ZMYM2: variants seen among roughly 807,000 people sequenced by gnomAD.
ZMYM2 encodes zinc finger MYM-type protein 2.
Under a neutral mutation model 162.8 loss-of-function variants are expected in ZMYM2, and 56 were observed. The observed-to-expected ratio is 0.34, with a 90% CI of 0.28 to 0.43. The LOEUF (loss-of-function observed/expected upper bound fraction) is 0.43. ZMYM2 is among the 20% of genes least tolerant of loss of function. ZMYM2 has a pLI of 1.00. For synonymous variants in ZMYM2, 510 were observed against 541.6 expected, an observed-to-expected ratio of 0.94 and a Z score of 0.81; for missense variants, 1,275 against 1,621.8, an observed-to-expected ratio of 0.79 and a Z score of 3.67.
intron 3 of ZMYM2, among the ~76,000 whole-genome samples, chr13:20,001,616 G>A (rs576180985): frequency 6.6e-6 from 1 of 152,284 alleles, no homozygotes; most frequent in Middle Eastern, 3.4e-3. Flanking sequence ...TGCAGGGTTT[G>A]AGAAGATTGA....
the ZMYM2 span, among the ~76,000 whole-genome samples, chr13:19,885,938 TATATATGTATATAC>T: frequency 2.5e-5 from 2 of 79,238 alleles, 1 homozygote; most frequent in African/African-American, 1.1e-4. Flanking sequence ...TGTATACACA[TATATATGTATATAC>T]ACATATATAT....
the ZMYM2 span, among the ~76,000 whole-genome samples, chr13:19,902,782 G>A: frequency 2.0e-5 from 3 of 152,196 alleles, no homozygotes; most frequent in Non-Finnish European, 2.9e-5. Flanking sequence ...GGAGGCTGAG[G>A]TGTGAGGATC....
chr13:19,875,067 T>A, the ZMYM2 span, among the ~76,000 whole-genome samples: 2 of 152,148 alleles, frequency 1.3e-5, no homozygotes, highest in Non-Finnish European at 2.9e-5. Context: ...CATTACTGGG[T>A]ATATACCCAA....
At chr13:20,025,642 TTTG>T (rs146631931) in intron 7 of ZMYM2, 9,690 of 153,142 alleles carry the variant, frequency 0.063, 354 homozygotes, top group African/African-American at 0.097. Flanking sequence ...TTTATCTCCT[TTTG>T]TTGTTGTTGT....
At chr13:20,078,104 C>G (rs964332330) in intron 21 of ZMYM2, among the ~76,000 whole-genome samples, 3 of 151,964 alleles carry the variant, frequency 2.0e-5, no homozygotes, top group Non-Finnish European at 4.4e-5. Context: ...GACGTGAGCC[C>G]CACTGCACCT....
upstream of ZMYM2, chr13:19,958,713 G>GCCTCCTCCGCCT (rs895070825): frequency 1.3e-5 from 2 of 153,418 alleles, no homozygotes; most frequent in African/African-American, 4.9e-5. Context: ...CCGCGCCGCC[G>GCCTCCTCCGCCT]CCTCCTCCGC....
intron 21 of ZMYM2, among the ~76,000 whole-genome samples, chr13:20,074,985 T>C (rs1187817411): frequency 1.3e-5 from 2 of 152,246 alleles, no homozygotes; most frequent in Non-Finnish European, 2.9e-5. Context: ...TTGTGGAATA[T>C]CTATTTTTAT....
chr13:19,947,740 G>A, the ZMYM2 span, among the ~76,000 whole-genome samples: 1 of 151,496 alleles, frequency 6.6e-6, no homozygotes, highest in African/African-American at 2.4e-5. Flanking sequence ...GTGATCCATC[G>A]GCCTCGGCTT....
intron 21 of ZMYM2, among the ~76,000 whole-genome samples, chr13:20,077,562 T>C (rs2140998930): frequency 7.0e-6 from 1 of 141,868 alleles, no homozygotes; most frequent in South Asian, 2.1e-4. Context: ...AGTATAGGAA[T>C]TTAGATGACA....
At chr13:19,918,979 A>G in the ZMYM2 span, among the ~76,000 whole-genome samples, 13 of 152,202 alleles carry the variant, frequency 8.5e-5, no homozygotes, top group Middle Eastern at 0.01. Context: ...ATCACCTCAA[A>G]GATGTCCCAT....
chr13:19,873,574 A>C, the ZMYM2 span, among the ~76,000 whole-genome samples: 3 of 151,642 alleles, frequency 2.0e-5, no homozygotes, highest in East Asian at 5.8e-4. Context: ...ACGCCCAGCT[A>C]ATTTTTGTAT....
intron 7 of ZMYM2, among the ~76,000 whole-genome samples, chr13:20,020,234 CTTTT>C (rs71198951): frequency 1.5e-5 from 2 of 137,212 alleles, no homozygotes; most frequent in Non-Finnish European, 1.6e-5. Context: ...TATTCCTCTT[CTTTT>C]TTTTTTTTTT....
chr13:19,912,059 C>T, the ZMYM2 span, among the ~76,000 whole-genome samples: 1 of 152,214 alleles, frequency 6.6e-6, no homozygotes, highest in Non-Finnish European at 1.5e-5. Context: ...ACTCCAATTG[C>T]AACGTTGTAC....
intron 21 of ZMYM2, among the ~76,000 whole-genome samples, chr13:20,081,423 A>G (rs1462713753): frequency 2.6e-5 from 4 of 152,106 alleles, no homozygotes; most frequent in Admixed American, 1.3e-4. Flanking sequence ...CACTGTTAAG[A>G]TTTTTCTAGG....
At chr13:20,053,808 A>G (rs1004268193) in intron 14 of ZMYM2, among the ~76,000 whole-genome samples, 1 of 152,152 alleles carries the variant, frequency 6.6e-6, no homozygotes, top group Non-Finnish European at 1.5e-5. Flanking sequence ...AAGTAAGAAT[A>G]CTTTTTCCAT....
In ZMYM2 at chr13:20,048,873, A is replaced by G. The variant is rs1333730518; in HGVS notation, c.2293-2560A>G. Among the ~76,000 whole-genome samples the G allele has an allele frequency of 1.3e-5, 2 of 151,790 alleles. 1 individual carries two copies. The highest frequency in any genetic ancestry group is 4.8e-5 in the African/African-American group (2 of 41,346). On this transcript the variant is annotated intron_variant, in intron 12 of 24. Transcript: ENST00000610343. The stretch of plus-strand genomic sequence containing the variant: ...ATTTCACAATGACAAGAAAACCACA[A>G]AATAGATGATGCAGTATTTTTAAAA...
intron 2 of ZMYM2, among the ~76,000 whole-genome samples, chr13:19,964,101 G>A (rs948533321): frequency 2.0e-5 from 3 of 152,112 alleles, no homozygotes; most frequent in Non-Finnish European, 2.9e-5. Context: ...CTGGTTGGCC[G>A]GGCTCAGTGG....
the ZMYM2 span, among the ~76,000 whole-genome samples, chr13:19,905,861 C>T: frequency 5.9e-5 from 9 of 152,186 alleles, no homozygotes; most frequent in African/African-American, 1.4e-4. Context: ...AAAACTTGGG[C>T]TGGGCATGGC....
At chr13:19,946,771 T>G in the ZMYM2 span, among the ~76,000 whole-genome samples, 1 of 152,200 alleles carries the variant, frequency 6.6e-6, no homozygotes, top group Non-Finnish European at 1.5e-5. Flanking sequence ...CATAGTATGT[T>G]TATAATAATG....
Sources: allele counts gnomAD v4.1 joint callset (sites outside exome capture counted in the v4.1 genomes callset), GRCh38; gene constraint gnomAD v4.1.1; transcripts MANE v1.5; gene names NCBI Gene and HGNC (gene_info 2026-07-23, HGNC 2026-07-21).